The following PCDHAC1 variants were observed in gnomAD, a reference collection of about 807,000 sequenced individuals.
PCDHAC1 encodes the protein protocadherin alpha subfamily C, 1.
In PCDHAC1, 42 loss-of-function variants were observed where a neutral mutation model predicts 60.0. The ratio of observed to expected loss-of-function variants is 0.70; its 90% CI spans 0.55 to 0.90. The LOEUF (loss-of-function observed/expected upper bound fraction) is 0.90. Ranked by LOEUF, PCDHAC1 falls within the 40% of genes least tolerant of loss-of-function variation. The probability of loss-of-function intolerance (pLI) is 0.00; values close to 1 mark genes in which losing one functional copy is unlikely to be tolerated. For missense variants in PCDHAC1, 1,160 were observed against 1,222.3 expected, an observed-to-expected ratio of 0.95 and a Z score of 0.76; for synonymous variants, 468 against 499.3, an observed-to-expected ratio of 0.94 and a Z score of 0.84.
chr5:140,952,442 A>G (rs1431756877), intron 1 of PCDHAC1, among the ~76,000 whole-genome samples: 1 of 152,178 alleles, frequency 6.6e-6, no homozygotes, highest in African/African-American at 2.4e-5. Context: ...CAGGCATAAT[A>G]CAGCCAGGCT....
chr5:141,000,422 T>TATATA (rs1491457105), intron 3 of PCDHAC1, among the ~76,000 whole-genome samples: 1 of 51,852 alleles, frequency 1.9e-5, no homozygotes, highest in Non-Finnish European at 3.5e-5. Flanking sequence ...TATATATATA[T>TATATA]TTTTTTTTTT....
intron 3 of PCDHAC1, among the ~76,000 whole-genome samples, chr5:141,009,094 C>T (rs1350235475): frequency 6.6e-6 from 1 of 152,176 alleles, no homozygotes; most frequent in Non-Finnish European, 1.5e-5. Flanking sequence ...AAGAACCAAA[C>T]ATATGTTACT....
At chr5:140,984,177 A>G (rs1337365733) in intron 3 of PCDHAC1, among the ~76,000 whole-genome samples, 3 of 152,190 alleles carry the variant, frequency 2.0e-5, no homozygotes, top group Non-Finnish European at 4.4e-5. Context: ...AAGCCACGTG[A>G]AATCATGACT....
At chr5:140,988,856 C>G (rs1363693153) in intron 3 of PCDHAC1, 1 of 152,180 alleles carries the variant, frequency 6.6e-6, no homozygotes, top group African/African-American at 2.4e-5. Context: ...CCTATCCAGT[C>G]TCATGTGCAC....
intron 2 of PCDHAC1, among the ~76,000 whole-genome samples, chr5:140,980,556 G>A (rs1355966555): frequency 6.6e-6 from 1 of 152,126 alleles, no homozygotes; most frequent in Non-Finnish European, 1.5e-5. Flanking sequence ...CTTGAACCCG[G>A]GAGGCGGAAG....
intron 3 of PCDHAC1, among the ~76,000 whole-genome samples, chr5:141,007,033 T>C (rs1357363669): frequency 6.6e-6 from 1 of 152,120 alleles, no homozygotes; most frequent in Non-Finnish European, 1.5e-5. Flanking sequence ...GGTATTTATA[T>C]CTATGGATAT....
At chr5:140,990,471 A>G (rs892013539) in intron 3 of PCDHAC1, among the ~76,000 whole-genome samples, 4 of 152,204 alleles carry the variant, frequency 2.6e-5, no homozygotes, top group Admixed American at 1.3e-4. Context: ...GGTATCATGT[A>G]TCAAGCTGAA....
rs112848471 is a variant in PCDHAC1, at chr5:140,995,109, C to G, written c.2581+12546C>G. ...TATCTGTGGAGATACATTCCAAGAC[C>G]CTCAGTGGATGCCTGAAACCTCATT... On this transcript the variant is annotated intron_variant, in intron 3 of 3. Transcript: ENST00000253807. Among the ~76,000 whole-genome samples, 792 of 152,268 alleles carry G rather than the reference C, an allele frequency of 5.2e-3. 8 individuals are homozygous for G. Among genetic ancestry groups the G allele is most frequent in the African/African-American group, 0.019 (770 of 41,540 alleles).
At chr5:140,978,827 G>T (rs2096825118) in intron 1 of PCDHAC1, 122 bp from the exon 2 acceptor site, 2 of 1,528,744 alleles carry the variant, frequency 1.3e-6, no homozygotes, top group Admixed American at 2.0e-5. Flanking sequence ...ACATGAAATG[G>T]CTCATTCAAT....
chr5:140,951,150 ATAGT>A (rs33995910), intron 1 of PCDHAC1, among the ~76,000 whole-genome samples: 85,202 of 151,324 alleles, frequency 0.56, 24,547 homozygotes, highest in African/African-American at 0.69. Context: ...CTTATTGAAT[ATAGT>A]TATAGTAGCT....
At chr5:140,994,704 C>CA (rs1294993555) in intron 3 of PCDHAC1, among the ~76,000 whole-genome samples, 3 of 150,616 alleles carry the variant, frequency 2.0e-5, no homozygotes, top group African/African-American at 4.9e-5. Flanking sequence ...GACCCTGTCT[C>CA]AAAAAAAAAT....
intron 1 of PCDHAC1, chr5:140,969,495 C>A: frequency 7.0e-7 from 1 of 1,437,888 alleles, no homozygotes; most frequent in South Asian, 1.5e-5. Flanking sequence ...TATTTCCTCT[C>A]TAGAAAAATA....
rs2098415057 is a variant in PCDHAC1, at chr5:141,009,865, A to G, written c.2820A>G (p.Lys940=). ...AGGAGGAGACCAAGAAAAAGAAGAAAAAGAAGAAGGGTAACAAGACCCAGG... is the reference window on the plus strand; with the variant it reads ...AGGAGGAGACCAAGAAAAAGAAGAAGAAGAAGAAGGGTAACAAGACCCAGG... ...GKKEETKKKK[K]KKKGNKTQEK... The change falls in exon 4 of 4, where the codon AAA becomes AAG. Residue 940 remains lysine, a synonymous_variant. Transcript: ENST00000253807. The G allele has an allele frequency of 6.2e-7, 1 of 1,614,076 alleles. No homozygotes were observed.
chr5:141,009,452 TAAAC>T (rs1226554195), intron 3 of PCDHAC1, among the ~76,000 whole-genome samples, 171 bp from the exon 4 acceptor site: 1 of 152,120 alleles, frequency 6.6e-6, no homozygotes, highest in Non-Finnish European at 1.5e-5. Flanking sequence ...TCAAAAAAAT[TAAAC>T]AAATAAATAA....
intron 3 of PCDHAC1, among the ~76,000 whole-genome samples, chr5:140,987,129 G>A (rs1281954011): frequency 1.3e-5 from 2 of 151,758 alleles, no homozygotes; most frequent in African/African-American, 4.8e-5. Flanking sequence ...CAGGAGAATT[G>A]CTTGAACTCG....
rs781863404 is a variant in PCDHAC1, at chr5:141,010,259, G to C, written c.*322G>C. 6.4e-7 allele frequency: 1 copy of C among 1,551,820 alleles called. No individual in the cohort carries two copies. The highest frequency in any genetic ancestry group is 1.2e-5 in the South Asian group (1 of 84,074). On this transcript the variant is annotated 3_prime_UTR_variant, in exon 4 of 4. Coordinates refer to ENST00000253807, the MANE Select transcript of PCDHAC1 (RefSeq NM_018898.5). Reference sequence around the variant, plus strand: ...TGAGAGGTTGGACTCTCTGCCCTGTGCTCCGGGGATCCTGTCTTGATGACA... The same window carrying C: ...TGAGAGGTTGGACTCTCTGCCCTGTCCTCCGGGGATCCTGTCTTGATGACA...
intron 3 of PCDHAC1, 40 bp downstream of exon 3, chr5:140,982,603 G>A: frequency 6.2e-7 from 1 of 1,607,892 alleles, no homozygotes; most frequent in East Asian, 2.2e-5. Context: ...TTGGTTTCTG[G>A]AAAGTGATCA....
At chr5:140,977,936 A>G (rs1444613652) in intron 1 of PCDHAC1, among the ~76,000 whole-genome samples, 2 of 152,202 alleles carry the variant, frequency 1.3e-5, no homozygotes, top group African/African-American at 4.8e-5. Context: ...CTATACCTCA[A>G]TATTCAGTGA....
At chr5:140,947,086 CTG>C (rs1554218047) in intron 1 of PCDHAC1, among the ~76,000 whole-genome samples, 1 of 151,518 alleles carries the variant, frequency 6.6e-6, no homozygotes, top group African/African-American at 2.4e-5. Context: ...AAACATCAGA[CTG>C]TAGCCCATAA....
Sources: gnomAD v4.1 joint callset for allele counts (sites outside exome capture counted in the v4.1 genomes callset) on GRCh38, gnomAD v4.1.1 for gene constraint, MANE v1.5 for transcripts, NCBI Gene and HGNC (gene_info 2026-07-23, HGNC 2026-07-21) for gene names.